Variants in PCDHA2 observed in about 807,000 individuals in gnomAD.
The protein encoded by PCDHA2 is protocadherin alpha-2.
In PCDHA2, 58 loss-of-function variants were observed where a neutral mutation model predicts 66.0. That is an observed-to-expected ratio of 0.88 (90% CI 0.71 to 1.09). The LOEUF (loss-of-function observed/expected upper bound fraction) is 1.09. Ranked by LOEUF, PCDHA2 falls within the 50% of genes least tolerant of loss-of-function variation. The probability of loss-of-function intolerance (pLI) is 0.00; values close to 1 mark genes in which losing one functional copy is unlikely to be tolerated. For missense variants in PCDHA2, 1,267 were observed against 1,242.3 expected (o/e 1.02, Z -0.30); for synonymous variants, 634 against 554.0 (o/e 1.14, Z -2.03).
chr5:140,928,057 G>A, intron 1 of PCDHA2: 1 of 1,614,178 alleles, frequency 6.2e-7, no homozygotes. Context: ...TCAGCTGACG[G>A]CTTCCTTTGA....
At chr5:140,899,948 C>A (rs2067639860) in intron 1 of PCDHA2, among the ~76,000 whole-genome samples, 1 of 151,682 alleles carries the variant, frequency 6.6e-6, no homozygotes, top group South Asian at 2.1e-4. Context: ...GCTGGGACCA[C>A]AGGCATGTGC....
At position 140,964,709 on chromosome 5, in the gene PCDHA2, A is replaced by G. The variant is rs115609419; in HGVS notation, c.2389-14240A>G. On this transcript the variant is annotated intron_variant, in intron 1 of 3. Coordinates refer to ENST00000526136, the MANE Select transcript of PCDHA2 (RefSeq NM_018905.3). ...CACTTGAGAGATTAAGGCCTCCGAG[A>G]TCAAATTACCACAGCAAACTGAGAC... is the stretch of plus-strand genomic sequence containing the variant. Among the ~76,000 whole-genome samples the G allele has an allele frequency of 4.5e-3, 689 of 152,134 alleles. 3 individuals are homozygous for G. Among genetic ancestry groups the G allele is most frequent in the African/African-American group, 0.016 (667 of 41,492 alleles).
At chr5:140,986,859 C>T (rs1554248338) in intron 3 of PCDHA2, among the ~76,000 whole-genome samples, 1 of 152,152 alleles carries the variant, frequency 6.6e-6, no homozygotes, top group East Asian at 1.9e-4. Context: ...ACCAACAATA[C>T]CCGGAAACTT....
intron 1 of PCDHA2, among the ~76,000 whole-genome samples, chr5:140,904,512 C>A (rs1251570223): frequency 2.0e-5 from 3 of 151,738 alleles, no homozygotes; most frequent in African/African-American, 7.3e-5. Flanking sequence ...GTGAATTGTG[C>A]TGCTATAAAC....
intron 1 of PCDHA2, chr5:140,823,010 T>C (rs1289602070): frequency 1.2e-5 from 20 of 1,614,120 alleles, no homozygotes; most frequent in Non-Finnish European, 1.6e-5. Flanking sequence ...GACAGCGCCC[T>C]GGACCGCGAG....
chr5:140,801,151 A>G, intron 1 of PCDHA2: 1 of 1,531,188 alleles, frequency 6.5e-7, no homozygotes, highest in South Asian at 1.3e-5. Flanking sequence ...TTATTTTTAA[A>G]CTTTGGATCA....
chr5:140,930,702 A>T (rs1359159980), intron 1 of PCDHA2, among the ~76,000 whole-genome samples: 1 of 152,234 alleles, frequency 6.6e-6, no homozygotes, highest in African/African-American at 2.4e-5. Context: ...CTTGTAAGTT[A>T]TTCTTCCTCA....
At chr5:140,926,986 C>T (rs782199565) in intron 1 of PCDHA2, 1 of 1,610,712 alleles carries the variant, frequency 6.2e-7, no homozygotes, top group Non-Finnish European at 8.5e-7. Flanking sequence ...GGAGACGGAG[C>T]GGGGCGTAGC....
chr5:140,941,939 T>C (rs2153657014), intron 1 of PCDHA2, among the ~76,000 whole-genome samples: 1 of 152,358 alleles, frequency 6.6e-6, no homozygotes, highest in African/African-American at 2.4e-5. Context: ...TTTGAATTAC[T>C]TTTGTTTTGA....
intron 1 of PCDHA2, chr5:140,869,477 A>T: frequency 1.2e-6 from 2 of 1,614,208 alleles, no homozygotes; most frequent in African/African-American, 2.7e-5. Context: ...GAGGTGAAGG[A>T]CATTAACGAC....
intron 1 of PCDHA2, chr5:140,929,725 A>G (rs1415397730): frequency 9.2e-6 from 2 of 218,138 alleles, no homozygotes; most frequent in Admixed American, 1.2e-4. Flanking sequence ...TGAAACATTT[A>G]CTTAAACTAT....
rs2150319932 is a variant in PCDHA2 at position 140,841,641 on chromosome 5, A to T, written c.2388+44289A>T. 4.3e-6 allele frequency: 7 copies of T among 1,613,950 alleles called. No individual in the cohort carries two copies. The highest frequency in any genetic ancestry group is 5.1e-6 in the Non-Finnish European group (6 of 1,179,994). ...AGCGCGGAGTGCAGCATCCACCTGG[A>T]GGTGATCGTGGACAGGCCGCTGCAG... On this transcript the variant is annotated intron_variant, in intron 1 of 3. Coordinates refer to ENST00000526136, the MANE Select transcript of PCDHA2 (RefSeq NM_018905.3).
At position 140,929,511 on chromosome 5, in the gene PCDHA2, G is replaced by A. The variant is rs113234119; in HGVS notation, c.2389-49438G>A. On this transcript the variant is annotated intron_variant, in intron 1 of 3. Coordinates refer to ENST00000526136, the MANE Select transcript of PCDHA2 (RefSeq NM_018905.3). ...TTAGAAGATTGCCCTAGGCCTCAAG[G>A]GACTTATAGTTTATTTTTGAGAAAC... 1,947 of 781,082 alleles carry A rather than the reference G, an allele frequency of 2.5e-3. 24 individuals carry two copies. The African/African-American group carries it at 0.032, about 13-fold the overall frequency. 48.4% of individuals were successfully genotyped at this position (781,082 alleles called of 1,614,324 possible).
chr5:140,796,212 G>C lies in PCDHA2; in HGVS notation c.1248G>C (p.Glu416Asp), dbSNP rs537511000. ...TGCTGGACAGCGCCCTGGACCGCGA[G>C]AGCGTGTCAGCCTATGAGCTGGTGG... is the stretch of plus-strand genomic sequence containing the variant. ...SLVLDSALDRESVSAYELVVT... is the reference protein window; with the variant it reads ...SLVLDSALDRDSVSAYELVVT... The change falls in exon 1 of 4, where the codon GAG becomes GAC. Residue 416 changes from glutamate (E) to aspartate (D), a missense_variant. Physicochemically the swap from Glu to Asp is conservative, Grantham distance 45. Transcript: ENST00000526136. 3 of 1,614,206 alleles carry C rather than the reference G, an allele frequency of 1.9e-6. No homozygotes were observed. The highest frequency in any genetic ancestry group is 2.2e-5 in the South Asian group (2 of 91,086).
At chr5:140,803,530 C>T (rs560711675) in intron 1 of PCDHA2, 32 of 1,614,252 alleles carry the variant, frequency 2.0e-5, no homozygotes, top group Non-Finnish European at 2.6e-5. Flanking sequence ...AGCCTTCCTC[C>T]TTGTCCAATT....
At chr5:140,824,339 T>C in intron 1 of PCDHA2, 1 of 614,882 alleles carries the variant, frequency 1.6e-6, no homozygotes, top group Non-Finnish European at 2.8e-6. Context: ...ATTAAGTGTT[T>C]TTAAAATAAT....
rs2150247452 is a variant in PCDHA2, at chr5:140,835,884, G to C, written c.2388+38532G>C. ...CTCGCTGGTGGAGCTGCGGGTGGGC[G>C]AGCGCGCGCTGTCGAGCTACGTGTC... On this transcript the variant is annotated intron_variant, in intron 1 of 3. Coordinates refer to ENST00000526136, the MANE Select transcript of PCDHA2 (RefSeq NM_018905.3). 57 of 1,611,848 alleles carry C rather than the reference G, an allele frequency of 3.5e-5. No individual in the cohort carries two copies. The highest frequency in any genetic ancestry group is 3.3e-5 in the Non-Finnish European group (39 of 1,179,644).
chr5:140,858,790 A>G, intron 1 of PCDHA2: 1 of 388,116 alleles, frequency 2.6e-6, no homozygotes, highest in Non-Finnish European at 4.7e-6. Context: ...ATGTTATTTC[A>G]TTTCCAATCT....
intron 1 of PCDHA2, chr5:140,850,998 C>T (rs1333674670): frequency 6.9e-7 from 1 of 1,440,098 alleles, no homozygotes; most frequent in Non-Finnish European, 9.2e-7. Context: ...TCTAGAAATC[C>T]AGCAGATTTT....
Sources: gnomAD v4.1 joint callset for allele counts (sites outside exome capture counted in the v4.1 genomes callset) on GRCh38, gnomAD v4.1.1 for gene constraint, MANE v1.5 for transcripts, NCBI Gene and HGNC (gene_info 2026-07-23, HGNC 2026-07-21) for gene names.